SEMA3A: variants seen among roughly 807,000 people sequenced by gnomAD.
SEMA3A encodes the protein semaphorin-3A.
In SEMA3A, 29 loss-of-function variants were observed where a neutral mutation model predicts 97.9. That is an observed-to-expected ratio of 0.30 (90% CI 0.22 to 0.40). SEMA3A has a LOEUF of 0.40. Among genes scored for constraint, SEMA3A ranks in the 10% least tolerant of loss-of-function variants. The pLI is 1.00. For synonymous variants in SEMA3A, 321 were observed against 323.7 expected (o/e 0.99, Z 0.09); for missense variants, 763 against 951.3 (o/e 0.80, Z 2.60).
intron 1 of SEMA3A, among the ~76,000 whole-genome samples, chr7:84,393,970 A>C (rs1803658118): frequency 6.6e-6 from 1 of 152,144 alleles, no homozygotes; most frequent in Admixed American, 6.6e-5. Flanking sequence ...TGGCCAAAGT[A>C]ATCAAAGAAG....
At chr7:84,123,964 C>T (rs1290236487) in intron 3 of SEMA3A, among the ~76,000 whole-genome samples, 5 of 151,912 alleles carry the variant, frequency 3.3e-5, no homozygotes, top group African/African-American at 7.3e-5. Flanking sequence ...GTGCAAAACT[C>T]GGCAGAGAGT....
chr7:84,407,149 A>G (rs1328876064), intron 1 of SEMA3A, among the ~76,000 whole-genome samples: 3 of 152,158 alleles, frequency 2.0e-5, no homozygotes, highest in Non-Finnish European at 4.4e-5. Flanking sequence ...TATCTGGAAA[A>G]CCCCATCATC....
intron 3 of SEMA3A, among the ~76,000 whole-genome samples, chr7:84,281,692 C>G (rs573897250): frequency 6.6e-6 from 1 of 152,096 alleles, no homozygotes; most frequent in Non-Finnish European, 1.5e-5. Flanking sequence ...TAGCTACATT[C>G]AGTAGGTTCA....
intron 3 of SEMA3A, among the ~76,000 whole-genome samples, chr7:84,303,361 A>T (rs1037990267): frequency 3.3e-5 from 5 of 151,814 alleles, no homozygotes; most frequent in East Asian, 3.9e-4. Flanking sequence ...CTCTTTTTTT[A>T]AAAAAAATGT....
At chr7:84,318,716 A>G (rs73386921) in intron 2 of SEMA3A, among the ~76,000 whole-genome samples, 3,889 of 152,224 alleles carry the variant, frequency 0.026, 169 homozygotes, top group African/African-American at 0.089. Flanking sequence ...ATTGCTCAAT[A>G]ATATTTTTCA....
intron 16 of SEMA3A, 40 bp downstream of exon 16, chr7:83,963,165 A>G (rs760046725): frequency 1.3e-5 from 21 of 1,600,900 alleles, no homozygotes; most frequent in Non-Finnish European, 1.8e-5. Flanking sequence ...TTAACAGTGT[A>G]TCTTAGATAT....
chr7:84,389,446 C>T (rs562837154), intron 1 of SEMA3A, among the ~76,000 whole-genome samples: 2 of 152,102 alleles, frequency 1.3e-5, no homozygotes, highest in African/African-American at 4.8e-5. Flanking sequence ...TTTCATTTCC[C>T]CTTTTTGATT....
At chr7:84,363,471 A>G (rs1257316752) in intron 2 of SEMA3A, among the ~76,000 whole-genome samples, 1 of 151,942 alleles carries the variant, frequency 6.6e-6, no homozygotes, top group Non-Finnish European at 1.5e-5. Flanking sequence ...CTTTAAAAAC[A>G]AAAGTTTTAA....
At chr7:84,311,470 T>C (rs924365043) in intron 2 of SEMA3A, among the ~76,000 whole-genome samples, 4 of 151,916 alleles carry the variant, frequency 2.6e-5, no homozygotes, top group African/African-American at 9.7e-5. Flanking sequence ...CCATATATAA[T>C]GAATGCTTAG....
At chr7:84,395,243 G>C (rs1004953732) in intron 1 of SEMA3A, among the ~76,000 whole-genome samples, 1 of 151,714 alleles carries the variant, frequency 6.6e-6, no homozygotes, top group African/African-American at 2.4e-5. Flanking sequence ...CATTTGGTGG[G>C]AGCCCCCAGG....
At chr7:84,121,182 A>G (rs1795602626) in intron 3 of SEMA3A, among the ~76,000 whole-genome samples, 1 of 152,126 alleles carries the variant, frequency 6.6e-6, no homozygotes, top group South Asian at 2.1e-4. Context: ...GTAACTGTAT[A>G]AACAGCTTTT....
intron 1 of SEMA3A, among the ~76,000 whole-genome samples, chr7:84,170,528 T>C (rs991554481): frequency 6.6e-6 from 1 of 152,044 alleles, no homozygotes; most frequent in Non-Finnish European, 1.5e-5. Flanking sequence ...AACAATCATA[T>C]GAGATAAAGT....
chr7:84,329,680 T>C (rs1801865880), intron 2 of SEMA3A, among the ~76,000 whole-genome samples: 2 of 152,194 alleles, frequency 1.3e-5, no homozygotes, highest in South Asian at 4.1e-4. Context: ...TAAAATAAGA[T>C]GGAGGCCGTA....
intron 6 of SEMA3A, among the ~76,000 whole-genome samples, chr7:84,022,747 A>G (rs1791373649): frequency 6.6e-6 from 1 of 152,252 alleles, no homozygotes; most frequent in East Asian, 1.9e-4. Context: ...ACTGCAATGT[A>G]AACACTATGA....
intron 1 of SEMA3A, among the ~76,000 whole-genome samples, chr7:84,458,561 A>T (rs1389947332): frequency 1.3e-5 from 2 of 151,992 alleles, no homozygotes; most frequent in Non-Finnish European, 1.5e-5. Context: ...TGCACCTGAA[A>T]GTTAGATTTC....
At chr7:84,453,513 G>C (rs1160188897) in intron 1 of SEMA3A, among the ~76,000 whole-genome samples, 1 of 152,132 alleles carries the variant, frequency 6.6e-6, no homozygotes, top group African/African-American at 2.4e-5. Flanking sequence ...TGGGATTACA[G>C]GCGTGAGCCA....
At chr7:84,463,334 C>T (rs1476334824) in intron 1 of SEMA3A, among the ~76,000 whole-genome samples, 1 of 148,368 alleles carries the variant, frequency 6.7e-6, no homozygotes, top group Non-Finnish European at 1.5e-5. Flanking sequence ...CTGCAACCTC[C>T]GCCTCCCGGG....
intron 3 of SEMA3A, among the ~76,000 whole-genome samples, chr7:84,281,518 T>C (rs141664666): frequency 7.2e-5 from 11 of 152,280 alleles, no homozygotes; most frequent in African/African-American, 2.4e-4. Flanking sequence ...TGACCCAGAC[T>C]ACTTTCCACA....
At chr7:84,179,658 G>C (rs1223571218) in intron 1 of SEMA3A, among the ~76,000 whole-genome samples, 1 of 151,998 alleles carries the variant, frequency 6.6e-6, no homozygotes, top group Non-Finnish European at 1.5e-5. Context: ...CTAATCCTAT[G>C]TTTCTTTCTA....
Sources: gnomAD v4.1 joint callset for allele counts (sites outside exome capture counted in the v4.1 genomes callset) on GRCh38, gnomAD v4.1.1 for gene constraint, MANE v1.5 for transcripts, NCBI Gene and HGNC (gene_info 2026-07-23, HGNC 2026-07-21) for gene names.